The following TRIM49C variants were observed in gnomAD, a reference collection of about 807,000 sequenced individuals.
The protein encoded by TRIM49C is tripartite motif-containing protein 49C.
TRIM49C carries 6 observed loss-of-function variants against 21.4 expected under a neutral mutation model. That is an observed-to-expected ratio of 0.28 (90% confidence interval 0.15 to 0.55). The LOEUF is 0.55. Among genes scored for constraint, TRIM49C ranks in the 20% least tolerant of loss-of-function variants. The pLI is 0.94. For synonymous variants in TRIM49C, 57 were observed against 148.1 expected (o/e 0.38, Z 4.47); for missense variants, 161 against 442.4 (o/e 0.36, Z 5.71).
the TRIM49C span, among the ~76,000 whole-genome samples, chr11:90,064,286 C>A: frequency 2.6e-5 from 4 of 151,362 alleles, no homozygotes; most frequent in Non-Finnish European, 1.5e-5. Flanking sequence ...TTCCCATTGT[C>A]AATTCAGATG....
At chr11:90,069,496 C>T in the TRIM49C span, among the ~76,000 whole-genome samples, 12 of 131,920 alleles carry the variant, frequency 9.1e-5, 4 homozygotes, top group Non-Finnish European at 1.4e-4. Context: ...AGGCTAGAAA[C>T]GAAGGTGCGT....
chr11:90,039,210 TGCCCG>T (rs1177004171), intron 6 of TRIM49C, among the ~76,000 whole-genome samples: 1 of 131,460 alleles, frequency 7.6e-6, no homozygotes, highest in Non-Finnish European at 1.6e-5. Context: ...TGAACCACCG[TGCCCG>T]GCCCCTGATT....
chr11:90,039,085 A>G (rs2134820435), intron 6 of TRIM49C, among the ~76,000 whole-genome samples: 1 of 134,502 alleles, frequency 7.4e-6, no homozygotes, highest in South Asian at 2.7e-4. Flanking sequence ...ACACCCGGCT[A>G]ATTTTTTGTA....
chr11:90,070,560 C>T, the TRIM49C span, among the ~76,000 whole-genome samples: 2 of 137,996 alleles, frequency 1.4e-5, 1 homozygote, highest in East Asian at 4.5e-4. Context: ...AGAATGTTCT[C>T]ATGTGTCTAA....
At chr11:90,053,150 G>A in the TRIM49C span, 1 of 139,332 alleles carries the variant, frequency 7.2e-6, no homozygotes, top group Middle Eastern at 3.5e-3. Flanking sequence ...CAGGGGCAGG[G>A]CCTGGCAGCC....
Position 90,038,448 on chromosome 11 carries a change from C to T in TRIM49C, c.739-245C>T, listed in dbSNP as rs536818940. On this transcript the variant is annotated intron_variant, in intron 5 of 7. Coordinates refer to ENST00000448984, the MANE Select transcript of TRIM49C (RefSeq NM_001195234.1). ...ATGGTTACCACAGACCATAGACCTT[C>T]TGGGCCTCTTCTCCCTTCACTTCTT... 1.7e-3 allele frequency among the ~76,000 whole-genome samples: 217 copies of T among 124,306 alleles called. 24 individuals are homozygous for T. Among genetic ancestry groups the T allele is most frequent in the Admixed American group, 2.9e-3 (28 of 9,642 alleles). The allele number at this position is 124,306 out of a possible 152,430, so 81.5% of individuals were successfully genotyped here. A position where few individuals can be genotyped will look rare whatever the true frequency, so the allele number is the denominator to read the frequency against.
At chr11:90,038,757 C>T in intron 6 of TRIM49C, 42 bp downstream of exon 6, 2 of 803,716 alleles carry the variant, frequency 2.5e-6, no homozygotes, top group Non-Finnish European at 3.5e-6. Context: ...CTTTAAGATT[C>T]CACGACTATC....
chr11:90,035,804 C>CTAGG (rs1274487316), intron 3 of TRIM49C, 84 bp from the exon 4 acceptor site: 1 of 525,490 alleles, frequency 1.9e-6, no homozygotes, highest in Non-Finnish European at 3.1e-6. Flanking sequence ...ATGCCATTTA[C>CTAGG]TAGGGGCTTA....
Position 90,041,300 on chromosome 11 carries a change from A to C in TRIM49C, c.1109A>C (p.Lys370Thr), listed in dbSNP as rs774148149. Reference sequence around the variant, plus strand: ...CGGAAGGAGAAGAATCAGAATGAGAAGATAGATGGAAAGGAGGGACTCTTT... The same window carrying C: ...CGGAAGGAGAAGAATCAGAATGAGACGATAGATGGAAAGGAGGGACTCTTT... Reference protein sequence around the residue: ...MYRKEKNQNEKIDGKEGLFLL... With the variant: ...MYRKEKNQNETIDGKEGLFLL... The change falls in exon 8 of 8, where the codon AAG becomes ACG. Residue 370 changes from lysine to threonine, a missense_variant. By Grantham distance (78) the Lys-to-Thr change is moderately conservative. This residue lies in a region of TRIM49C where 63 missense variants were observed against 67.6 expected (regional missense o/e 0.93). Transcript: ENST00000448984. 40 of 1,589,752 alleles carry C rather than the reference A, an allele frequency of 2.5e-5. 5 individuals are homozygous for C. In the South Asian group the frequency reaches 4.4e-4, roughly 18 times the overall value.
the TRIM49C span, chr11:90,052,143 C>T: frequency 2.3e-6 from 1 of 429,658 alleles, no homozygotes; most frequent in Non-Finnish European, 4.0e-6. Context: ...AGCCCCAGGA[C>T]CCCGGCAGCG....
At chr11:90,056,052 A>G in the TRIM49C span, among the ~76,000 whole-genome samples, 1 of 123,646 alleles carries the variant, frequency 8.1e-6, no homozygotes, top group Non-Finnish European at 1.7e-5. Flanking sequence ...TCCGCCTCCC[A>G]GGTTCACGCC....
intron 4 of TRIM49C, among the ~76,000 whole-genome samples, chr11:90,036,775 C>T (rs534267466): frequency 0.041 from 5,659 of 137,570 alleles, 764 homozygotes; most frequent in Non-Finnish European, 0.062. Flanking sequence ...ACAAATCATA[C>T]AATCCAAATA....
the TRIM49C span, among the ~76,000 whole-genome samples, chr11:90,064,354 C>G: frequency 4.0e-5 from 6 of 151,398 alleles, no homozygotes; most frequent in African/African-American, 2.4e-5. Flanking sequence ...TAATAATTAA[C>G]AAGAATTAAT....
intron 2 of TRIM49C, among the ~76,000 whole-genome samples, chr11:90,034,731 C>T (rs1407640020): frequency 8.3e-5 from 11 of 133,236 alleles, no homozygotes; most frequent in African/African-American, 2.7e-4. Context: ...TGGTTTGCTG[C>T]CCGGCTTTTG....
At chr11:90,048,967 T>G in the TRIM49C span, among the ~76,000 whole-genome samples, 2 of 126,998 alleles carry the variant, frequency 1.6e-5, no homozygotes, top group Non-Finnish European at 3.2e-5. Flanking sequence ...TTTCTGTTTG[T>G]TAGTTTTCCT....
the TRIM49C span, among the ~76,000 whole-genome samples, chr11:90,069,271 A>ATT: frequency 2.4e-4 from 28 of 115,746 alleles, no homozygotes; most frequent in African/African-American, 8.3e-4. Context: ...CGCCCAGCTA[A>ATT]TTTTTTTTTT....
At chr11:90,073,528 A>T in the TRIM49C span, 2 of 319,094 alleles carry the variant, frequency 6.3e-6, no homozygotes, top group Non-Finnish European at 1.1e-5. Flanking sequence ...TAAGTAGAAG[A>T]TATGTAAAAT....
At chr11:90,071,727 C>G in the TRIM49C span, 2 of 1,267,234 alleles carry the variant, frequency 1.6e-6, no homozygotes, top group Non-Finnish European at 2.2e-6. Context: ...CATGCTCCAG[C>G]CTGTGAATCC....
the TRIM49C span, chr11:90,053,815 G>C: frequency 7.1e-6 from 1 of 140,706 alleles, no homozygotes; most frequent in African/African-American, 2.5e-5. Flanking sequence ...TCACTACTGA[G>C]ACCCCAGAGA....
Sources: allele counts gnomAD v4.1 joint callset (sites outside exome capture counted in the v4.1 genomes callset), GRCh38; gene constraint gnomAD v4.1.1; regional missense constraint gnomAD v4.1.1; transcripts MANE v1.5; gene names NCBI Gene and HGNC (gene_info 2026-07-23, HGNC 2026-07-21).